Variants in DMD observed in about 807,000 individuals in gnomAD.
DMD encodes mutant dystrophin.
DMD carries 63 observed loss-of-function variants against 330.1 expected under a neutral mutation model. That is an observed-to-expected ratio of 0.19 (90% confidence interval 0.16 to 0.24). The LOEUF (loss-of-function observed/expected upper bound fraction) is 0.24. Among genes scored for constraint, DMD ranks in the 10% least tolerant of loss-of-function variants. DMD has a pLI of 1.00. For missense variants in DMD, 3,344 were observed against 2,684.1 expected (o/e 1.25, Z -5.43); for synonymous variants, 1,223 against 959.8 (o/e 1.27, Z -5.07).
At chrX:31,746,855 T>C (rs2087885193) in intron 51 of DMD, among the ~76,000 whole-genome samples, 1 of 110,751 alleles carries the variant, frequency 9.0e-6, no homozygotes, top group Non-Finnish European at 1.9e-5. Flanking sequence ...TGAATAAATA[T>C]ATATCCTAAA....
intron 41 of DMD, among the ~76,000 whole-genome samples, chrX:32,333,882 T>A (rs2097692733): frequency 8.9e-6 from 1 of 111,985 alleles, no homozygotes; most frequent in African/African-American, 3.2e-5. Context: ...TCACGTAAGA[T>A]GATTTGATCA....
At chrX:31,547,993 G>C (rs181822229) in intron 55 of DMD, among the ~76,000 whole-genome samples, 1 of 111,904 alleles carries the variant, frequency 8.9e-6, no homozygotes, top group East Asian at 2.8e-4. Context: ...GATTTGCATG[G>C]TCTGAAAGCC....
chrX:32,281,798 C>T (rs889448327), intron 43 of DMD, among the ~76,000 whole-genome samples: 2 of 111,661 alleles, frequency 1.8e-5, no homozygotes, highest in East Asian at 5.5e-4. Context: ...TGCCCTTATA[C>T]TTCTTTCTCT....
intron 2 of DMD, among the ~76,000 whole-genome samples, chrX:32,903,328 A>G (rs555010195): frequency 9.1e-6 from 1 of 110,193 alleles, no homozygotes; most frequent in South Asian, 3.9e-4. Context: ...TTGCAATGAA[A>G]TGTATGTAGG....
chrX:32,065,740 T>C (rs1041563640), intron 44 of DMD, among the ~76,000 whole-genome samples: 1 of 111,654 alleles, frequency 9.0e-6, no homozygotes, highest in Non-Finnish European at 1.9e-5. Context: ...GGTAATAAAA[T>C]TGAGCAATAA....
chrX:33,233,804 A>G (rs1233459548), intron 1 of DMD, among the ~76,000 whole-genome samples: 1 of 112,139 alleles, frequency 8.9e-6, no homozygotes, highest in Non-Finnish European at 1.9e-5. Flanking sequence ...ACATGAGTAT[A>G]GGTAAAACTG....
At chrX:32,161,284 C>G (rs778330238) in intron 44 of DMD, among the ~76,000 whole-genome samples, 2 of 111,610 alleles carry the variant, frequency 1.8e-5, no homozygotes, top group African/African-American at 3.3e-5. Context: ...AGAATTCTAA[C>G]TCCCAAAAAG....
intron 49 of DMD, among the ~76,000 whole-genome samples, chrX:31,834,273 T>C (rs994771662): frequency 9.0e-6 from 1 of 111,530 alleles, no homozygotes; most frequent in Non-Finnish European, 1.9e-5. Context: ...TGTTCAAAAC[T>C]GTGAGGTCAT....
At chrX:32,283,616 C>T (rs779955056) in intron 43 of DMD, among the ~76,000 whole-genome samples, 3 of 111,958 alleles carry the variant, frequency 2.7e-5, no homozygotes, top group Non-Finnish European at 5.6e-5. Context: ...TTTCCCTGAT[C>T]TCTGGCAATA....
chrX:31,699,958 TG>T (rs1183949444), intron 52 of DMD, among the ~76,000 whole-genome samples: 4 of 110,869 alleles, frequency 3.6e-5, no homozygotes, highest in African/African-American at 1.3e-4. Flanking sequence ...GAGGCCGAGG[TG>T]AACGGATCAT....
chrX:32,732,786 C>T (rs1181195726), intron 7 of DMD, among the ~76,000 whole-genome samples: 192 of 109,912 alleles, frequency 1.7e-3, no homozygotes, highest in Middle Eastern at 4.7e-3. Flanking sequence ...AAGGAACAAC[C>T]GGTACCAGCC....
At chrX:32,734,879 A>G (rs201587945) in intron 7 of DMD, among the ~76,000 whole-genome samples, 23,417 of 100,298 alleles carry the variant, frequency 0.23, 2,800 homozygotes, top group South Asian at 0.4. Context: ...CTCTCTCACC[A>G]CTCCTATTCA....
intron 13 of DMD, among the ~76,000 whole-genome samples, chrX:32,590,388 G>A (rs186260620): frequency 1.8e-3 from 203 of 111,334 alleles, no homozygotes; most frequent in African/African-American, 6.4e-3. Context: ...TCAACTTCAT[G>A]GAATTGAGGG....
chrX:33,015,376 G>A (rs991478277), intron 2 of DMD, among the ~76,000 whole-genome samples: 3 of 111,044 alleles, frequency 2.7e-5, no homozygotes, highest in African/African-American at 9.8e-5. Flanking sequence ...CATGGATGGA[G>A]TTGGAGGCCA....
intron 11 of DMD, among the ~76,000 whole-genome samples, chrX:32,616,226 C>A (rs887641053): frequency 9.0e-6 from 1 of 110,988 alleles, no homozygotes; most frequent in Non-Finnish European, 1.9e-5. Flanking sequence ...TGTTTATCCA[C>A]TATAAAGTTA....
chrX:32,348,633 T>A (rs942595588), intron 37 of DMD, 105 bp from the exon 38 acceptor site: 1 of 712,366 alleles, frequency 1.4e-6, no homozygotes, highest in Non-Finnish European at 2.0e-6. Context: ...ACTAATCACA[T>A]GCATTATGTT....
At chrX:31,380,585 T>A (rs770422117) in intron 60 of DMD, among the ~76,000 whole-genome samples, 46 of 110,744 alleles carry the variant, frequency 4.2e-4, no homozygotes, top group African/African-American at 1.4e-3. Context: ...CCCTTACAAT[T>A]CCCCCATTTT....
At chrX:32,619,635 C>T (rs1411632269) in intron 11 of DMD, among the ~76,000 whole-genome samples, 1 of 111,517 alleles carries the variant, frequency 9.0e-6, no homozygotes, top group Non-Finnish European at 1.9e-5. Flanking sequence ...GCATTTCAAA[C>T]AATAAAATAT....
chrX:32,267,772 T>A (rs1447698524), intron 43 of DMD, among the ~76,000 whole-genome samples: 2 of 112,274 alleles, frequency 1.8e-5, no homozygotes, highest in Non-Finnish European at 3.8e-5. Flanking sequence ...TCAAGTATTT[T>A]ATGTCGTTCA....
Sources: allele counts gnomAD v4.1 joint callset (sites outside exome capture counted in the v4.1 genomes callset), GRCh38; gene constraint gnomAD v4.1.1; transcripts MANE v1.5; gene names NCBI Gene and HGNC (gene_info 2026-07-23, HGNC 2026-07-21).